The following CCSER2 variants were observed in gnomAD, a reference collection of about 807,000 sequenced individuals.
CCSER2 encodes the protein serine-rich coiled-coil domain-containing protein 2.
A neutral mutation model predicts 92.3 loss-of-function variants in CCSER2; 46 were observed. The ratio of observed to expected loss-of-function variants is 0.50; its 90% confidence interval spans 0.39 to 0.64. The LOEUF (loss-of-function observed/expected upper bound fraction) is 0.64. Among genes scored for constraint, CCSER2 ranks in the 30% least tolerant of loss-of-function variants. CCSER2 has a pLI of 0.00. For missense variants in CCSER2, 1,244 were observed against 1,238.9 expected (o/e 1.00, Z -0.06); for synonymous variants, 433 against 431.4 (o/e 1.00, Z -0.04).
chr10:84,399,243 G>A (rs1438991446), intron 3 of CCSER2, among the ~76,000 whole-genome samples: 1 of 152,068 alleles, frequency 6.6e-6, no homozygotes, highest in East Asian at 1.9e-4. Context: ...ATGTCCAGCT[G>A]TACCCATTGT....
chr10:84,376,712 GGAGA>G (rs1055482854), intron 3 of CCSER2, among the ~76,000 whole-genome samples: 9 of 152,046 alleles, frequency 5.9e-5, no homozygotes, highest in African/African-American at 2.2e-4. Flanking sequence ...AAAATGTGTA[GGAGA>G]GAGATTCCTG....
intron 1 of CCSER2, among the ~76,000 whole-genome samples, chr10:84,334,772 A>T (rs969291951): frequency 2.0e-5 from 3 of 152,120 alleles, no homozygotes; most frequent in Non-Finnish European, 4.4e-5. Context: ...CTTACTTCAT[A>T]TGTCTGTTTT....
chr10:84,433,156 G>A (rs1454946027), intron 5 of CCSER2, among the ~76,000 whole-genome samples: 1 of 151,994 alleles, frequency 6.6e-6, no homozygotes, highest in African/African-American at 2.4e-5. Flanking sequence ...TTAGGCCTTC[G>A]ACTTTCTTCT....
At chr10:84,396,592 C>A (rs1841854184) in intron 3 of CCSER2, among the ~76,000 whole-genome samples, 1 of 151,962 alleles carries the variant, frequency 6.6e-6, no homozygotes, top group Non-Finnish European at 1.5e-5. Context: ...TTTCATGTTA[C>A]TTCATAGAGA....
intron 3 of CCSER2, chr10:84,391,879 TG>T: frequency 2.1e-6 from 3 of 1,416,098 alleles, no homozygotes; most frequent in Admixed American, 3.4e-5. Flanking sequence ...TATATTTTTT[TG>T]TGATGCTGTT....
chr10:84,501,858 TACTC>T (rs1405536434), intron 9 of CCSER2, among the ~76,000 whole-genome samples: 44 of 88,318 alleles, frequency 5.0e-4, no homozygotes, highest in Non-Finnish European at 8.1e-4. Flanking sequence ...TATATATATA[TACTC>T]ATATATATAT....
At chr10:84,359,396 T>C (rs1054839231) in intron 1 of CCSER2, among the ~76,000 whole-genome samples, 2 of 152,176 alleles carry the variant, frequency 1.3e-5, no homozygotes, top group African/African-American at 4.8e-5. Flanking sequence ...TAATAGGGGT[T>C]AAAATAGAGC....
chr10:84,332,933 A>G (rs1256365780), intron 1 of CCSER2, among the ~76,000 whole-genome samples: 1 of 152,140 alleles, frequency 6.6e-6, no homozygotes, highest in African/African-American at 2.4e-5. Flanking sequence ...ATGTATATAT[A>G]TTTGGAAAGT....
chr10:84,498,932 G>A (rs756353696), intron 9 of CCSER2, among the ~76,000 whole-genome samples: 6 of 152,124 alleles, frequency 3.9e-5, no homozygotes, highest in African/African-American at 7.2e-5. Context: ...CAGGAGTATC[G>A]TAGTTCTGAT....
chr10:84,450,087 G>A (rs1845182182), intron 6 of CCSER2, among the ~76,000 whole-genome samples: 1 of 152,108 alleles, frequency 6.6e-6, no homozygotes. Context: ...ACAATTTTAT[G>A]TAGCTGCCCA....
chr10:84,517,490 A>T lies in CCSER2; in HGVS notation c.*3223A>T, dbSNP rs1414220867. ...ATTAGAATTTACTAAGTACTTTAAC[A>T]AGTAAAAATCTGAATATGAAAGAAA... On this transcript the variant is annotated 3_prime_UTR_variant, in exon 10 of 10. Transcript: ENST00000372088. 6.5e-6 allele frequency: 1 copy of T among 152,674 alleles called. No homozygotes were observed. Among genetic ancestry groups the T allele is most frequent in the East Asian group, 1.9e-4 (1 of 5,196 alleles). 9.5% of individuals were successfully genotyped at this position (152,674 alleles called of 1,614,324 possible).
At chr10:84,500,021 G>T in intron 9 of CCSER2, 2 of 1,610,476 alleles carry the variant, frequency 1.2e-6, no homozygotes, top group Non-Finnish European at 8.5e-7. Flanking sequence ...TTTCCCTTCT[G>T]CATGACCTGT....
At chr10:84,509,324 C>T (rs1350345058) in intron 9 of CCSER2, among the ~76,000 whole-genome samples, 1 of 152,152 alleles carries the variant, frequency 6.6e-6, no homozygotes, top group Non-Finnish European at 1.5e-5. Flanking sequence ...ATTTATCTAG[C>T]AAATGTATAT....
At chr10:84,506,522 G>T (rs1849053938) in intron 9 of CCSER2, among the ~76,000 whole-genome samples, 1 of 152,184 alleles carries the variant, frequency 6.6e-6, no homozygotes, top group Non-Finnish European at 1.5e-5. Flanking sequence ...GGCCGGGCGT[G>T]GTGGCTCACG....
At position 84,513,320 on chromosome 10, in the gene CCSER2, T is replaced by G. The variant is rs188571141; in HGVS notation, c.2326-129T>G. On this transcript the variant is annotated intron_variant, in intron 9 of 9. Coordinates refer to ENST00000372088, the MANE Select transcript of CCSER2 (RefSeq NM_001284240.2). ...TGAATATTGCAGTTCATTTTTTAAT[T>G]AAAAGAAACTCCACATATTTTCCAT... The G allele has an allele frequency of 5.7e-5, 41 of 718,588 alleles. No homozygotes were observed. The African/African-American group carries it at 6.6e-4, about 12-fold the overall frequency. The allele number at this position is 718,588 out of a possible 1,614,324, so 44.5% of individuals were successfully genotyped here.
chr10:84,388,552 C>T (rs572707535), intron 3 of CCSER2, among the ~76,000 whole-genome samples: 7 of 152,254 alleles, frequency 4.6e-5, no homozygotes, highest in South Asian at 2.1e-4. Context: ...AAATGACTCC[C>T]TCCCACCCCC....
At chr10:84,375,293 T>C (rs988330414) in intron 3 of CCSER2, among the ~76,000 whole-genome samples, 3 of 152,096 alleles carry the variant, frequency 2.0e-5, no homozygotes, top group African/African-American at 7.2e-5. Flanking sequence ...TGTCTATTGG[T>C]ATGGGAAGAA....
intron 1 of CCSER2, among the ~76,000 whole-genome samples, chr10:84,332,257 C>G (rs1843595632): frequency 6.6e-6 from 1 of 151,492 alleles, no homozygotes; most frequent in African/African-American, 2.4e-5. Flanking sequence ...TTTATTTTCT[C>G]CTTTATTTGT....
At chr10:84,470,796 A>G (rs906047506) in intron 8 of CCSER2, among the ~76,000 whole-genome samples, 1 of 151,974 alleles carries the variant, frequency 6.6e-6, no homozygotes, top group Non-Finnish European at 1.5e-5. Flanking sequence ...AGAACAGGGT[A>G]TTTTCTCTCT....
Sources: allele counts gnomAD v4.1 joint callset (sites outside exome capture counted in the v4.1 genomes callset), GRCh38; gene constraint gnomAD v4.1.1; transcripts MANE v1.5; gene names NCBI Gene and HGNC (gene_info 2026-07-23, HGNC 2026-07-21).